Variants in AGBL4 observed in about 807,000 individuals in gnomAD.
AGBL4 encodes cytosolic carboxypeptidase 6.
Under a neutral mutation model 66.4 loss-of-function variants are expected in AGBL4, and 58 were observed. The observed-to-expected ratio is 0.87, with a 90% CI of 0.71 to 1.09. AGBL4 has a LOEUF of 1.09. Among genes scored for constraint, AGBL4 ranks in the 50% least tolerant of loss-of-function variants. AGBL4 has a pLI of 0.00. For missense variants in AGBL4, 579 were observed against 631.0 expected (o/e 0.92, Z 0.88); for synonymous variants, 234 against 222.9 (o/e 1.05, Z -0.44).
chr1:49,350,149 A>G (rs1248555028), intron 3 of AGBL4, among the ~76,000 whole-genome samples: 2 of 151,520 alleles, frequency 1.3e-5, no homozygotes, highest in East Asian at 3.9e-4. Context: ...CAATACTTAG[A>G]TGGAAGTATT....
At chr1:49,610,237 T>C (rs1284216597) in intron 3 of AGBL4, among the ~76,000 whole-genome samples, 1 of 152,172 alleles carries the variant, frequency 6.6e-6, no homozygotes, top group Non-Finnish European at 1.5e-5. Context: ...TCTTATTTAA[T>C]AACCCTAACA....
intron 1 of AGBL4, among the ~76,000 whole-genome samples, chr1:50,018,302 A>G (rs1318356806): frequency 6.6e-6 from 1 of 152,198 alleles, no homozygotes; most frequent in Non-Finnish European, 1.5e-5. Context: ...GAAGTTTTAA[A>G]AAAGAGAAAT....
At chr1:49,433,741 T>C (rs1311948343) in intron 3 of AGBL4, among the ~76,000 whole-genome samples, 1 of 152,190 alleles carries the variant, frequency 6.6e-6, no homozygotes, top group Non-Finnish European at 1.5e-5. Flanking sequence ...AGTTATTTGG[T>C]ATATTGAAGC....
chr1:49,599,197 ACT>A (rs1316215298), intron 3 of AGBL4, among the ~76,000 whole-genome samples: 1 of 151,836 alleles, frequency 6.6e-6, no homozygotes, highest in Non-Finnish European at 1.5e-5. Context: ...CCTCTTTGTA[ACT>A]CTGTTAGAAT....
chr1:49,070,364 G>A (rs1210497722), intron 4 of AGBL4, among the ~76,000 whole-genome samples: 1 of 151,846 alleles, frequency 6.6e-6, no homozygotes, highest in Non-Finnish European at 1.5e-5. Flanking sequence ...TAGTGCCTGT[G>A]GGTCTGTCAT....
At chr1:49,280,925 A>C (rs1644260357) in intron 3 of AGBL4, among the ~76,000 whole-genome samples, 2 of 152,128 alleles carry the variant, frequency 1.3e-5, no homozygotes, top group Admixed American at 1.3e-4. Context: ...CAACGAAGAA[A>C]AAGAAAACAG....
intron 3 of AGBL4, among the ~76,000 whole-genome samples, chr1:49,647,689 A>G (rs1486436238): frequency 6.6e-6 from 1 of 152,194 alleles, no homozygotes; most frequent in East Asian, 1.9e-4. Flanking sequence ...CTCTCAGGAG[A>G]AACTATGTAA....
intron 3 of AGBL4, among the ~76,000 whole-genome samples, chr1:49,638,575 G>C (rs1645722036): frequency 6.6e-6 from 1 of 152,166 alleles, no homozygotes; most frequent in Admixed American, 6.5e-5. Context: ...CTGGTGAGAG[G>C]TAATTGAATC....
intron 5 of AGBL4, among the ~76,000 whole-genome samples, chr1:48,990,044 T>C (rs879939959): frequency 5.9e-5 from 9 of 152,226 alleles, no homozygotes; most frequent in African/African-American, 1.9e-4. Flanking sequence ...CCAGCATTTG[T>C]TATTGCCTAT....
intron 2 of AGBL4, among the ~76,000 whole-genome samples, chr1:49,739,706 G>A (rs185239407): frequency 2.3e-4 from 35 of 152,244 alleles, no homozygotes; most frequent in Admixed American, 9.2e-4. Context: ...CGGATCTCTC[G>A]GCAGAAACTC....
At chr1:48,948,684 A>T (rs1656719626) in intron 5 of AGBL4, among the ~76,000 whole-genome samples, 1 of 152,230 alleles carries the variant, frequency 6.6e-6, no homozygotes, top group Non-Finnish European at 1.5e-5. Context: ...TGAGGCAATG[A>T]TGCCTTTTCT....
At chr1:49,841,389 C>A (rs1160858334) in intron 2 of AGBL4, among the ~76,000 whole-genome samples, 3 of 152,244 alleles carry the variant, frequency 2.0e-5, no homozygotes, top group South Asian at 2.1e-4. Flanking sequence ...TTGATTGGAA[C>A]AATCAGTATC....
intron 2 of AGBL4, among the ~76,000 whole-genome samples, chr1:49,749,701 G>A (rs1291449175): frequency 6.6e-6 from 1 of 152,074 alleles, no homozygotes; most frequent in Non-Finnish European, 1.5e-5. Context: ...AATCTAACAA[G>A]AGATGTCCAA....
intron 5 of AGBL4, among the ~76,000 whole-genome samples, chr1:49,037,359 A>C (rs1664749492): frequency 6.6e-6 from 1 of 152,060 alleles, no homozygotes; most frequent in Non-Finnish European, 1.5e-5. Flanking sequence ...CAGGAAGGTA[A>C]GCTGCCACCA....
At chr1:49,390,585 C>T (rs1023732063) in intron 3 of AGBL4, among the ~76,000 whole-genome samples, 9 of 152,168 alleles carry the variant, frequency 5.9e-5, no homozygotes, top group African/African-American at 2.2e-4. Context: ...CTCTTTCTTA[C>T]AAATAAGGAA....
At chr1:49,688,193 C>T (rs1205499477) in intron 3 of AGBL4, among the ~76,000 whole-genome samples, 1 of 152,180 alleles carries the variant, frequency 6.6e-6, no homozygotes, top group Non-Finnish European at 1.5e-5. Context: ...ATACCCACTT[C>T]CACACCCTCC....
intron 1 of AGBL4, among the ~76,000 whole-genome samples, chr1:49,948,102 A>ATG (rs1246415703): frequency 1.1e-5 from 1 of 92,460 alleles, no homozygotes; most frequent in Non-Finnish European, 1.9e-5. Context: ...GTATATGTAT[A>ATG]TATATGTAAA....
At chr1:49,729,258 G>T (rs1649251972) in intron 2 of AGBL4, among the ~76,000 whole-genome samples, 1 of 152,152 alleles carries the variant, frequency 6.6e-6, no homozygotes, top group African/African-American at 2.4e-5. Context: ...ATCTTGACAA[G>T]TAAGCAGCAG....
At chr1:48,706,899 T>C (rs530027431) in intron 6 of AGBL4, among the ~76,000 whole-genome samples, 25 of 152,298 alleles carry the variant, frequency 1.6e-4, no homozygotes, top group Non-Finnish European at 2.8e-4. Flanking sequence ...GAGAAAACTT[T>C]GAGCCATCTG....
Sources: allele counts gnomAD v4.1 joint callset (sites outside exome capture counted in the v4.1 genomes callset), GRCh38; gene constraint gnomAD v4.1.1; transcripts MANE v1.5; gene names NCBI Gene and HGNC (gene_info 2026-07-23, HGNC 2026-07-21).